BCL11B: variants seen among roughly 807,000 people sequenced by gnomAD.
The protein encoded by BCL11B is BCL11 transcription factor B.
BCL11B carries 8 observed loss-of-function variants against 49.9 expected under a neutral mutation model. The ratio of observed to expected loss-of-function variants is 0.16; its 90% CI spans 0.09 to 0.29. The LOEUF (loss-of-function observed/expected upper bound fraction) is 0.29. BCL11B is among the 10% of genes least tolerant of loss of function. The pLI is 1.00. For synonymous variants in BCL11B, 739 were observed against 637.4 expected, an observed-to-expected ratio of 1.16 and a Z score of -2.40; for missense variants, 1,006 against 1,351.0, an observed-to-expected ratio of 0.74 and a Z score of 4.00.
At chr14:99,226,987 A>C (rs913800893) in intron 3 of BCL11B, among the ~76,000 whole-genome samples, 1 of 152,212 alleles carries the variant, frequency 6.6e-6, no homozygotes, top group Non-Finnish European at 1.5e-5. Flanking sequence ...TATTAAAGCC[A>C]AACACTTCCA....
At chr14:99,202,919 C>G (rs935024116) in intron 3 of BCL11B, among the ~76,000 whole-genome samples, 12 of 152,342 alleles carry the variant, frequency 7.9e-5, no homozygotes, top group African/African-American at 2.6e-4. Context: ...TTCAAACCCC[C>G]GCCAAGAATC....
At position 99,255,341 on chromosome 14, in the gene BCL11B, C is replaced by G. The variant is rs560399994; in HGVS notation, c.427+2130G>C. On this transcript the variant is annotated intron_variant, in intron 2 of 3. Coordinates refer to ENST00000357195, the MANE Select transcript of BCL11B (RefSeq NM_138576.4). ...TTCGTCCTGTTGCTGAACAGAAAGG[C>G]CAAGAATATCTTTCGTCACACATAA... Among the ~76,000 whole-genome samples, 4 of 138,268 alleles carry G rather than the reference C, an allele frequency of 2.9e-5. No homozygotes were observed. The South Asian group carries it at 9.0e-4, about 31-fold the overall frequency. 90.7% of individuals were successfully genotyped at this position (138,268 alleles called of 152,430 possible). A position where few individuals can be genotyped will look rare whatever the true frequency, so the allele number is the denominator to read the frequency against.
intron 3 of BCL11B, among the ~76,000 whole-genome samples, chr14:99,196,097 G>A (rs1887171208): frequency 6.6e-6 from 1 of 152,178 alleles, no homozygotes; most frequent in African/African-American, 2.4e-5. Context: ...GCAGCTGGGT[G>A]GTGGGGCTGT....
At chr14:99,271,088 G>C in intron 1 of BCL11B, 73 bp downstream of exon 1, 1 of 1,430,584 alleles carries the variant, frequency 7.0e-7, no homozygotes, top group Non-Finnish European at 9.2e-7. Context: ...GGCTGTTCCG[G>C]GCTCGGTGTC....
rs920188504 is a variant in BCL11B, at chr14:99,175,762, C to G, written c.1074G>C (p.Ser358=). The G allele has an allele frequency of 8.9e-6, 13 of 1,459,226 alleles. No homozygotes were observed. In the Admixed American group the frequency reaches 1.1e-4, roughly 12 times the overall value. The allele number at this position is 1,459,226 out of a possible 1,614,324, so 90.4% of individuals were successfully genotyped here. Residue 358 remains serine (S), a synonymous_variant, in exon 4 of 4, where the codon TCG becomes TCC. Transcript: ENST00000357195. The part of the protein sequence containing the change: ...VMRLNPMAID[S]PAMDFSRRLR... ...GCCGCCGCGAGAAGTCCATGGCGGG[C>G]GAGTCGATGGCCATGGGGTTCAGGC...
chr14:99,265,092 G>A (rs1196297557), intron 1 of BCL11B, among the ~76,000 whole-genome samples: 1 of 152,074 alleles, frequency 6.6e-6, no homozygotes, highest in African/African-American at 2.4e-5. Context: ...CAGGCCAAAT[G>A]GCCTGAGTCA....
rs866692378 is a variant in BCL11B at position 99,195,040 on chromosome 14, C to T, written c.641-18845G>A. Among the ~76,000 whole-genome samples the T allele has an allele frequency of 4.3e-4, 65 of 152,156 alleles. No homozygotes were observed. Among genetic ancestry groups the T allele is most frequent in the East Asian group, 5.8e-4 (3 of 5,186 alleles). On this transcript the variant is annotated intron_variant, in intron 3 of 3. Transcript: ENST00000357195. This position sits in a 1 kb window ranked among gnomAD's most constrained non-coding sequence, Gnocchi z 4.7. ...TCCCCCAGGTGCACAGATGGGAAAA[C>T]GAAGGCTGCCCAGCATGCAGAAAGG... is the stretch of plus-strand genomic sequence containing the variant.
At chr14:99,226,266 C>T (rs1220634794) in intron 3 of BCL11B, among the ~76,000 whole-genome samples, 5 of 152,222 alleles carry the variant, frequency 3.3e-5, no homozygotes, top group Admixed American at 1.3e-4. Flanking sequence ...TAACAACAAA[C>T]GTTACTTTGC....
intron 3 of BCL11B, among the ~76,000 whole-genome samples, chr14:99,212,159 T>C (rs1173527127): frequency 6.6e-6 from 1 of 152,164 alleles, no homozygotes; most frequent in Non-Finnish European, 1.5e-5. Context: ...GGGATTCACC[T>C]GAGCACTGGG....
intron 3 of BCL11B, among the ~76,000 whole-genome samples, chr14:99,189,963 T>A (rs1478386502): frequency 6.6e-6 from 1 of 152,124 alleles, no homozygotes; most frequent in East Asian, 1.9e-4. Context: ...CTGGCTGGGC[T>A]GGCCCGCAGA....
In BCL11B at chr14:99,242,924, T is replaced by C. The variant is rs908384438; in HGVS notation, c.428-11367A>G. Among the ~76,000 whole-genome samples the C allele has an allele frequency of 1.3e-5, 2 of 152,144 alleles. No individual in the cohort carries two copies. The highest frequency in any genetic ancestry group is 6.5e-5 in the Admixed American group (1 of 15,280). Reference sequence around the variant, plus strand: ...CCATGGGGATAAGTGCCAATTTTTGTTAGCTCTGAGAGGCGGTGAGAATTT... The same window carrying C: ...CCATGGGGATAAGTGCCAATTTTTGCTAGCTCTGAGAGGCGGTGAGAATTT... On this transcript the variant is annotated intron_variant, in intron 2 of 3. Coordinates refer to ENST00000357195, the MANE Select transcript of BCL11B (RefSeq NM_138576.4). The surrounding 1 kb of genome is among the most constrained non-coding windows in gnomAD (Gnocchi z 4.4).
rs1889222677 is a variant in BCL11B, at chr14:99,257,973, C to G, written c.59-134G>C. 5.3e-6 allele frequency: 6 copies of G among 1,138,270 alleles called. No homozygotes were observed. Among genetic ancestry groups the G allele is most frequent in the Non-Finnish European group, 7.0e-6 (6 of 855,528 alleles). The allele number at this position is 1,138,270 out of a possible 1,614,324, so 70.5% of individuals were successfully genotyped here. Reference sequence around the variant, plus strand: ...TCTGCTGCTGGCTGCCAGAGCTCACCAGGTCCTCCCCGGGGTTGGGGGCTG... The same window carrying G: ...TCTGCTGCTGGCTGCCAGAGCTCACGAGGTCCTCCCCGGGGTTGGGGGCTG... On this transcript the variant is annotated intron_variant, in intron 1 of 3. Coordinates refer to ENST00000357195, the MANE Select transcript of BCL11B (RefSeq NM_138576.4). This position sits in a 1 kb window ranked among gnomAD's most constrained non-coding sequence, Gnocchi z 6.2.
At chr14:99,183,067 C>G (rs1886754424) in intron 3 of BCL11B, among the ~76,000 whole-genome samples, 2 of 151,938 alleles carry the variant, frequency 1.3e-5, no homozygotes, top group African/African-American at 4.8e-5. Flanking sequence ...AGGGGGGAGA[C>G]AGGGAACCCC....
intron 2 of BCL11B, among the ~76,000 whole-genome samples, chr14:99,235,261 C>T (rs1457134170): frequency 6.6e-6 from 1 of 152,178 alleles, no homozygotes; most frequent in Non-Finnish European, 1.5e-5. Flanking sequence ...GAGTATTTTT[C>T]TCCCTACTGG....
chr14:99,260,190 T>C (rs1285318067), intron 1 of BCL11B, among the ~76,000 whole-genome samples: 1 of 152,140 alleles, frequency 6.6e-6, no homozygotes, highest in Non-Finnish European at 1.5e-5. Flanking sequence ...AAGGACATAA[T>C]GAAATTGAGA....
In BCL11B at chr14:99,213,257, G is replaced by A. The variant is rs1887738367; in HGVS notation, c.640+18088C>T. ...CCCCGGAGGCTCGGCCGACCTGGGT[G>A]TGCCAGCACAAAAGAGGATGAAGGC... On this transcript the variant is annotated intron_variant, in intron 3 of 3. Coordinates refer to ENST00000357195, the MANE Select transcript of BCL11B (RefSeq NM_138576.4). This position sits in a 1 kb window ranked among gnomAD's most constrained non-coding sequence, Gnocchi z 5.1. Among the ~76,000 whole-genome samples, 1 of 152,210 alleles carries A rather than the reference G, an allele frequency of 6.6e-6. No individual in the cohort carries two copies. Among genetic ancestry groups the A allele is most frequent in the African/African-American group, 2.4e-5 (1 of 41,456 alleles).
chr14:99,221,519 C>T (rs578149704), intron 3 of BCL11B, among the ~76,000 whole-genome samples: 9 of 152,232 alleles, frequency 5.9e-5, no homozygotes, highest in African/African-American at 2.2e-4. Context: ...CTGTGATTCA[C>T]AAGCTCACTC....
chr14:99,268,695 G>A (rs1889558576), intron 1 of BCL11B, among the ~76,000 whole-genome samples: 1 of 152,124 alleles, frequency 6.6e-6, no homozygotes, highest in African/African-American at 2.4e-5. Context: ...ATAATAAATA[G>A]CCTTGTCTGA....
chr14:99,235,074 A>T lies in BCL11B; in HGVS notation c.428-3517T>A, dbSNP rs1595271401. Among the ~76,000 whole-genome samples, 3 of 152,184 alleles carry T rather than the reference A, an allele frequency of 2.0e-5. No homozygotes were observed. In the South Asian group the frequency reaches 6.2e-4, roughly 32 times the overall value. ...GCGCACTCACCCAGCGAACACGCCCACCGCCGAGGAGCGTGGAGACACAAA... is the reference window on the plus strand; with the variant it reads ...GCGCACTCACCCAGCGAACACGCCCTCCGCCGAGGAGCGTGGAGACACAAA... On this transcript the variant is annotated intron_variant, in intron 2 of 3. Transcript: ENST00000357195.
Sources: allele counts gnomAD v4.1 joint callset (sites outside exome capture counted in the v4.1 genomes callset), GRCh38; gene constraint gnomAD v4.1.1; non-coding constraint Gnocchi (gnomAD v3.1); transcripts MANE v1.5; gene names NCBI Gene and HGNC (gene_info 2026-07-23, HGNC 2026-07-21).